The following OXCT1 variants were observed in gnomAD, a reference collection of about 807,000 sequenced individuals.
OXCT1 encodes the protein succinyl-CoA:3-ketoacid coenzyme A transferase 1, mitochondrial.
OXCT1 carries 27 observed loss-of-function variants against 69.6 expected under a neutral mutation model. The ratio of observed to expected loss-of-function variants is 0.39; its 90% confidence interval spans 0.29 to 0.54. The LOEUF (loss-of-function observed/expected upper bound fraction) is 0.54, where lower values mean the gene tolerates loss of function less well. Among genes scored for constraint, OXCT1 ranks in the 20% least tolerant of loss-of-function variants. The pLI is 0.72. For missense variants in OXCT1, 437 were observed against 650.2 expected (o/e 0.67, Z 3.57); for synonymous variants, 202 against 217.8 (o/e 0.93, Z 0.64).
chr5:41,832,194 G>A (rs1202763835), intron 7 of OXCT1, among the ~76,000 whole-genome samples: 1 of 152,226 alleles, frequency 6.6e-6, no homozygotes, highest in African/African-American at 2.4e-5. Context: ...ATAGGTGGTA[G>A]TCAGGTAGTA....
intron 1 of OXCT1, among the ~76,000 whole-genome samples, chr5:41,869,867 C>A (rs1437156664): frequency 6.6e-6 from 1 of 152,124 alleles, no homozygotes; most frequent in Non-Finnish European, 1.5e-5. Flanking sequence ...GGGGCGCAAA[C>A]CTACCCGCTG....
At chr5:41,755,962 G>C (rs1744047773) in intron 14 of OXCT1, among the ~76,000 whole-genome samples, 1 of 152,050 alleles carries the variant, frequency 6.6e-6, no homozygotes, top group Admixed American at 6.6e-5. Flanking sequence ...GATCGCTACA[G>C]TTTATATGAC....
intron 14 of OXCT1, among the ~76,000 whole-genome samples, chr5:41,759,778 T>G (rs1481614962): frequency 2.0e-5 from 3 of 152,094 alleles, no homozygotes; most frequent in African/African-American, 7.2e-5. Context: ...TAGATAGCCC[T>G]ACCCGAAAAC....
intron 14 of OXCT1, among the ~76,000 whole-genome samples, chr5:41,753,744 G>T (rs1218260865): frequency 2.0e-5 from 3 of 152,010 alleles, no homozygotes; most frequent in African/African-American, 7.2e-5. Flanking sequence ...TTCTTCATAT[G>T]TACAGCCATG....
At position 41,767,722 on chromosome 5, in the gene OXCT1, G is replaced by GTATATATATA. The variant is rs367584226; in HGVS notation, c.1249-5532_1249-5523dup. ...TCTAGTATCTAATATATATGTGTGTGTATATATATATATATATATATATAT... is the reference window on the plus strand; with the variant it reads ...TCTAGTATCTAATATATATGTGTGTGTATATATATATATATATATATATATATATATATAT... On this transcript the variant is annotated intron_variant, in intron 13 of 16. Coordinates refer to ENST00000196371, the MANE Select transcript of OXCT1 (RefSeq NM_000436.4). Among the ~76,000 whole-genome samples, 847 of 89,768 alleles carry GTATATATATA rather than the reference G, an allele frequency of 9.4e-3. 19 individuals are homozygous for GTATATATATA. Among genetic ancestry groups the GTATATATATA allele is most frequent in the African/African-American group, 0.032 (585 of 18,428 alleles). The allele number at this position is 89,768 out of a possible 152,430, so 58.9% of individuals were successfully genotyped here.
chr5:41,803,301 A>T, intron 9 of OXCT1, 138 bp from the exon 10 acceptor site: 2 of 625,832 alleles, frequency 3.2e-6, no homozygotes, highest in South Asian at 4.0e-5. Flanking sequence ...TATATTCTCC[A>T]ATCACCCATG....
At chr5:41,766,153 T>C (rs1321482150) in intron 13 of OXCT1, among the ~76,000 whole-genome samples, 2 of 152,152 alleles carry the variant, frequency 1.3e-5, no homozygotes, top group African/African-American at 4.8e-5. Flanking sequence ...GCTAGCATAA[T>C]GGAGAGATGA....
At chr5:41,739,567 C>G in intron 15 of OXCT1, 76 bp from the exon 16 acceptor site, 8 of 1,173,136 alleles carry the variant, frequency 6.8e-6, no homozygotes, top group Non-Finnish European at 1.0e-5. Context: ...ACAGAAATAA[C>G]CTCGCAAGTT....
intron 7 of OXCT1, among the ~76,000 whole-genome samples, chr5:41,836,034 G>C (rs1354807477): frequency 6.6e-6 from 1 of 152,194 alleles, no homozygotes; most frequent in African/African-American, 2.4e-5. Flanking sequence ...ATAGGGAGTT[G>C]AGAGCTTAAC....
rs145469617 is a variant in OXCT1, at chr5:41,788,414, A to C, written c.1248+5589T>G. Among the ~76,000 whole-genome samples the C allele has an allele frequency of 4.3e-3, 662 of 152,290 alleles. 4 individuals are homozygous for C. Among genetic ancestry groups the C allele is most frequent in the Middle Eastern group, 0.014 (4 of 294 alleles). ...TGGTCTAAACCTCCAATTATGATTT[A>C]GAGATTATAAGATAACAATCTAACT... is the stretch of plus-strand genomic sequence containing the variant. On this transcript the variant is annotated intron_variant, in intron 13 of 16. Coordinates refer to ENST00000196371, the MANE Select transcript of OXCT1 (RefSeq NM_000436.4).
intron 9 of OXCT1, among the ~76,000 whole-genome samples, chr5:41,804,573 CCTA>C (rs1247751621): frequency 2.6e-5 from 4 of 152,036 alleles, no homozygotes; most frequent in Admixed American, 1.3e-4. Flanking sequence ...CCAACTTTTA[CCTA>C]CTAACTCAAC....
At chr5:41,840,321 C>T in intron 7 of OXCT1, 130 bp downstream of exon 7, 3 of 741,136 alleles carry the variant, frequency 4.0e-6, no homozygotes, top group Non-Finnish European at 7.1e-6. Flanking sequence ...AGAATGGATC[C>T]ATTTCCAAAA....
chr5:41,797,068 C>A (rs1275653512), intron 11 of OXCT1, among the ~76,000 whole-genome samples: 1 of 152,158 alleles, frequency 6.6e-6, no homozygotes, highest in African/African-American at 2.4e-5. Context: ...CCTCATCAGT[C>A]CTGTGGGAAG....
intron 14 of OXCT1, among the ~76,000 whole-genome samples, chr5:41,760,330 C>A (rs902964360): frequency 6.6e-6 from 1 of 152,130 alleles, no homozygotes; most frequent in East Asian, 1.9e-4. Flanking sequence ...AAACTATCTA[C>A]GGAAAAATAC....
At chr5:41,744,233 G>T (rs1743351281) in intron 15 of OXCT1, among the ~76,000 whole-genome samples, 1 of 152,116 alleles carries the variant, frequency 6.6e-6, no homozygotes, top group Non-Finnish European at 1.5e-5. Flanking sequence ...TGAAGCAATT[G>T]TGAATGGGAG....
intron 15 of OXCT1, among the ~76,000 whole-genome samples, chr5:41,746,379 C>G (rs1401751748): frequency 6.6e-6 from 1 of 152,054 alleles, no homozygotes; most frequent in Non-Finnish European, 1.5e-5. Flanking sequence ...CAAAGGGCAA[C>G]TGAATGGAAT....
intron 14 of OXCT1, among the ~76,000 whole-genome samples, chr5:41,750,134 G>GGTTTTTTTTTTTTT (rs1743698155): frequency 1.2e-5 from 1 of 85,814 alleles, no homozygotes; most frequent in Non-Finnish European, 2.4e-5. Flanking sequence ...TGTGTTTTTT[G>GGTTTTTTTTTTTTT]GTTTTTTTTT....
At chr5:41,810,398 G>A (rs1304559012) in intron 7 of OXCT1, among the ~76,000 whole-genome samples, 1 of 152,040 alleles carries the variant, frequency 6.6e-6, no homozygotes, top group Non-Finnish European at 1.5e-5. Context: ...GCAAAGCAAT[G>A]GGCAGATGTA....
At chr5:41,764,277 C>A (rs1294344642) in intron 13 of OXCT1, among the ~76,000 whole-genome samples, 2 of 152,092 alleles carry the variant, frequency 1.3e-5, no homozygotes, top group Non-Finnish European at 2.9e-5. Context: ...AATTTGTGTT[C>A]ATTATCTGTA....
Sources: gnomAD v4.1 joint callset for allele counts (sites outside exome capture counted in the v4.1 genomes callset) on GRCh38, gnomAD v4.1.1 for gene constraint, MANE v1.5 for transcripts, NCBI Gene and HGNC (gene_info 2026-07-23, HGNC 2026-07-21) for gene names.